SLC30A7: variants seen among roughly 807,000 people sequenced by gnomAD.
SLC30A7 encodes solute carrier family 30 member 7.
A neutral mutation model predicts 46.0 loss-of-function variants in SLC30A7; 35 were observed. That is an observed-to-expected ratio of 0.76 (90% CI 0.58 to 1.01). The LOEUF is 1.01. SLC30A7 is among the 50% of genes least tolerant of loss of function. The probability of loss-of-function intolerance (pLI) is 0.00; values close to 1 mark genes in which losing one functional copy is unlikely to be tolerated. For synonymous variants in SLC30A7, 147 were observed against 157.8 expected (o/e 0.93, Z 0.51); for missense variants, 464 against 451.1 (o/e 1.03, Z -0.26).
chr1:100,983,812 T>TTGGCC (rs538249889), downstream of SLC30A7, among the ~76,000 whole-genome samples: 262 of 152,362 alleles, frequency 1.7e-3, 3 homozygotes, highest in African/African-American at 6.1e-3. Flanking sequence ...AAGGCTTGGC[T>TTGGCC]TGGCCATTTG....
chr1:100,914,734 T>C (rs1652366681), intron 6 of SLC30A7, among the ~76,000 whole-genome samples: 1 of 152,178 alleles, frequency 6.6e-6, no homozygotes, highest in Non-Finnish European at 1.5e-5. Context: ...ATTTGCAACA[T>C]AGACAGAATC....
rs911796875 is a variant in SLC30A7 at position 100,975,490 on chromosome 1, GA to G, written c.*636del. 6.6e-6 allele frequency: 1 copy of G among 152,512 alleles called. No individual in the cohort carries two copies. Among genetic ancestry groups the G allele is most frequent in the African/African-American group, 2.4e-5 (1 of 41,422 alleles). The allele number at this position is 152,512 out of a possible 1,614,324, so 9.4% of individuals were successfully genotyped here. ...ATCCAAAAATGTATTTGCCAGCATA[GA>G]AATGTACCATCAAGAGTCATGTATG... On this transcript the variant is annotated 3_prime_UTR_variant, in exon 11 of 11. Coordinates refer to ENST00000357650, the MANE Select transcript of SLC30A7 (RefSeq NM_133496.5).
chr1:100,914,547 A>G (rs913556320), intron 6 of SLC30A7, among the ~76,000 whole-genome samples: 1 of 152,020 alleles, frequency 6.6e-6, no homozygotes, highest in African/African-American at 2.4e-5. Flanking sequence ...TTTTTTTTAG[A>G]AATCTTTGGA....
At chr1:100,927,446 C>T (rs1653377132) in intron 8 of SLC30A7, among the ~76,000 whole-genome samples, 1 of 151,862 alleles carries the variant, frequency 6.6e-6, no homozygotes, top group Non-Finnish European at 1.5e-5. Context: ...AGAATGAAAG[C>T]CTGATCAGAC....
intron 8 of SLC30A7, among the ~76,000 whole-genome samples, chr1:100,933,291 C>T (rs1653773620): frequency 6.6e-6 from 1 of 151,818 alleles, no homozygotes. Context: ...TTTTTTTTAG[C>T]TTTATCACTT....
the SLC30A7 span, chr1:100,990,359 A>C: frequency 6.5e-7 from 1 of 1,541,458 alleles, no homozygotes; most frequent in Non-Finnish European, 9.0e-7. Flanking sequence ...AAACCATATC[A>C]ATCCATATAT....
intron 6 of SLC30A7, among the ~76,000 whole-genome samples, chr1:100,916,874 C>T (rs934261668): frequency 6.6e-6 from 1 of 152,088 alleles, no homozygotes; most frequent in Non-Finnish European, 1.5e-5. Context: ...GTTTGTCGTT[C>T]TGTAACTCTT....
At chr1:100,982,928 C>G (rs1007193441), downstream of SLC30A7, among the ~76,000 whole-genome samples, 29 of 152,150 alleles carry the variant, frequency 1.9e-4, no homozygotes, top group African/African-American at 7.0e-4. Context: ...TACAGAGCAG[C>G]CTCTTCTGTT....
intron 3 of SLC30A7, among the ~76,000 whole-genome samples, chr1:100,908,297 A>G (rs1314278868): frequency 2.6e-5 from 4 of 152,058 alleles, no homozygotes; most frequent in African/African-American, 4.8e-5. Flanking sequence ...TTCTGTTTAG[A>G]TATTTATTGA....
Position 100,957,572 on chromosome 1 carries a change from G to T in SLC30A7, c.843-4256G>T, listed in dbSNP as rs374775195. 6.8e-4 allele frequency among the ~76,000 whole-genome samples: 103 copies of T among 152,178 alleles called. 5 individuals are homozygous for T. The South Asian group carries it at 0.014, about 21-fold the overall frequency. On this transcript the variant is annotated intron_variant, in intron 8 of 10. Coordinates refer to ENST00000357650, the MANE Select transcript of SLC30A7 (RefSeq NM_133496.5). ...AAACTGATGCTCTGGAAGACTATGT[G>T]ATTTGCTTAAAGCTATTTAATGGCA...
intron 10 of SLC30A7, among the ~76,000 whole-genome samples, chr1:100,966,781 A>G (rs112901589): frequency 3.9e-5 from 6 of 152,314 alleles, no homozygotes; most frequent in African/African-American, 1.2e-4. Context: ...GTTAGGTACT[A>G]TTTGAAGCCA....
At position 100,896,800 on chromosome 1, in the gene SLC30A7, A is replaced by G; in HGVS notation, c.182+129A>G. On this transcript the variant is annotated intron_variant, in intron 2 of 10. Transcript: ENST00000357650. Reference sequence around the variant, plus strand: ...CCTTTGTTACCTACCTCTGCTGCTGAGTTGCTTTCTCATACCCACACCAAT... The same window carrying G: ...CCTTTGTTACCTACCTCTGCTGCTGGGTTGCTTTCTCATACCCACACCAAT... 9.0e-6 allele frequency: 7 copies of G among 777,432 alleles called. No homozygotes were observed. The South Asian group carries it at 1.1e-4, about 12-fold the overall frequency. 48.2% of individuals were successfully genotyped at this position (777,432 alleles called of 1,614,324 possible).
At chr1:100,901,545 C>G (rs947801685) in intron 2 of SLC30A7, among the ~76,000 whole-genome samples, 11 of 152,080 alleles carry the variant, frequency 7.2e-5, no homozygotes. Context: ...ACCTCTGCCC[C>G]CTGAGTTCAA....
intron 8 of SLC30A7, among the ~76,000 whole-genome samples, chr1:100,933,280 ATTT>A (rs1414771213): frequency 6.6e-6 from 1 of 151,298 alleles, no homozygotes; most frequent in Non-Finnish European, 1.5e-5. Flanking sequence ...GGCCACCACA[ATTT>A]TTTTTAGCTT....
intron 3 of SLC30A7, among the ~76,000 whole-genome samples, chr1:100,908,123 T>G (rs1651807765): frequency 6.6e-6 from 1 of 151,976 alleles, no homozygotes; most frequent in Non-Finnish European, 1.5e-5. Flanking sequence ...CCGGTGCAGT[T>G]TCTCTCACTC....
At chr1:100,918,000 A>T (rs540941646) in intron 6 of SLC30A7, 77 bp from the exon 7 acceptor site, 2 of 1,174,992 alleles carry the variant, frequency 1.7e-6, no homozygotes, top group East Asian at 4.7e-5. Flanking sequence ...GATGCATTTG[A>T]ATGAAAAGGA....
At chr1:100,996,027 G>A in the SLC30A7 span, 2 of 152,058 alleles carry the variant, frequency 1.3e-5, no homozygotes, top group African/African-American at 4.8e-5. Flanking sequence ...GAGTTTGCTT[G>A]GAAATTATAG....
chr1:100,990,611 A>G, the SLC30A7 span: 1 of 1,614,090 alleles, frequency 6.2e-7, no homozygotes, highest in Non-Finnish European at 8.5e-7. Context: ...AAGCCAACAC[A>G]AAGTGTCTCC....
At chr1:100,908,192 A>G (rs1400589997) in intron 3 of SLC30A7, among the ~76,000 whole-genome samples, 1 of 151,100 alleles carries the variant, frequency 6.6e-6, no homozygotes, top group Non-Finnish European at 1.5e-5. Context: ...GCCTCTTGTT[A>G]TGTCTTTTAC....
Sources: gnomAD v4.1 joint callset for allele counts (sites outside exome capture counted in the v4.1 genomes callset) on GRCh38, gnomAD v4.1.1 for gene constraint, MANE v1.5 for transcripts, NCBI Gene and HGNC (gene_info 2026-07-23, HGNC 2026-07-21) for gene names.